KIF14: variants seen among roughly 807,000 people sequenced by gnomAD.
The protein encoded by KIF14 is kinesin family member 14, also known as kinesin-like protein KIF14.
KIF14 carries 98 observed loss-of-function variants against 176.2 expected under a neutral mutation model. That is an observed-to-expected ratio of 0.56 (90% CI 0.47 to 0.66). KIF14 has a LOEUF of 0.66. Ranked by LOEUF, KIF14 falls within the 30% of genes least tolerant of loss-of-function variation. The probability of loss-of-function intolerance (pLI) is 0.00; values close to 1 mark genes in which losing one functional copy is unlikely to be tolerated. For missense variants in KIF14, 1,751 were observed against 1,920.4 expected, an observed-to-expected ratio of 0.91 and a Z score of 1.65; for synonymous variants, 566 against 632.2, an observed-to-expected ratio of 0.90 and a Z score of 1.57.
In KIF14 at chr1:200,553,528, C is replaced by T. The variant is rs1231501706; in HGVS notation, c.4807G>A (p.Glu1603Lys). The change falls in exon 30 of 30, where the codon GAA (glutamate) becomes AAA (lysine). Residue 1603 changes from glutamate to lysine, a missense_variant. Coordinates refer to ENST00000367350, the MANE Select transcript of KIF14 (RefSeq NM_014875.3). Reference sequence around the variant, plus strand: ...CTTGATTTAGATTGTTGGTGTTCTTCTTTGGTATTTTGATTATAAGTTTCC... The same window carrying T: ...CTTGATTTAGATTGTTGGTGTTCTTTTTTGGTATTTTGATTATAAGTTTCC... ...PWETYNQNTKEEHQQSKSSGI... is the reference protein window; with the variant it reads ...PWETYNQNTKKEHQQSKSSGI... 1 of 1,613,974 alleles carries T rather than the reference C, an allele frequency of 6.2e-7. No individual in the cohort carries two copies. The highest frequency in any genetic ancestry group is 8.5e-7 in the Non-Finnish European group (1 of 1,180,010).
Position 200,593,653 on chromosome 1 carries a change from A to AT in KIF14, c.2652+13_2652+14insA. 7.0e-7 allele frequency: 1 copy of AT among 1,433,624 alleles called. No homozygotes were observed. The highest frequency in any genetic ancestry group is 9.8e-7 in the Non-Finnish European group (1 of 1,016,176). 88.8% of individuals were successfully genotyped at this position (1,433,624 alleles called of 1,614,324 possible). A position where few individuals can be genotyped will look rare whatever the true frequency, so the allele number is the denominator to read the frequency against. ...GTCGAACAGTTTCTTATATTATAGC[A>AT]CCCATCCACTTACATGACGTAATAC... On this transcript the variant is annotated intron_variant, in intron 15 of 29. Transcript: ENST00000367350.
At chr1:200,575,522 T>TAC (rs35571944) in intron 22 of KIF14, 69 bp downstream of exon 22, 6,672 of 624,784 alleles carry the variant, frequency 0.011, 21 homozygotes, top group African/African-American at 0.022. Context: ...ATATACAATT[T>TAC]ACACACACAC....
rs750228172 is a variant in KIF14 at position 200,618,065 on chromosome 1, G to A, written c.659C>T (p.Pro220Leu). 9.1e-5 allele frequency: 147 copies of A among 1,613,998 alleles called. No homozygotes were observed. Among genetic ancestry groups the A allele is most frequent in the Admixed American group, 4.0e-4 (24 of 60,010 alleles). The change falls in exon 2 of 30, where the codon CCC (proline) becomes CTC (leucine). Residue 220 changes from proline (P) to leucine (L), a missense_variant. Transcript: ENST00000367350. Reference sequence around the variant, plus strand: ...TTCAGTCTGACTCAGGGAAGCAATGGGTGGTCTATTACTTGAGTACTTAAG... The same window carrying A: ...TTCAGTCTGACTCAGGGAAGCAATGAGTGGTCTATTACTTGAGTACTTAAG... The part of the protein sequence containing the change: ...VALKYSSNRP[P>L]IASLSQTEVV...
At chr1:200,559,300 C>G in intron 27 of KIF14, 30 bp downstream of exon 27, 2 of 1,413,030 alleles carry the variant, frequency 1.4e-6, no homozygotes, top group Non-Finnish European at 1.9e-6. Context: ...TTATTTAGTA[C>G]TGTACAGAAT....
At chr1:200,590,091 G>A (rs780136177) in intron 17 of KIF14, 34 bp downstream of exon 17, 19 of 1,579,130 alleles carry the variant, frequency 1.2e-5, no homozygotes, top group Admixed American at 1.8e-5. Flanking sequence ...GTACACTGTC[G>A]GAAAAAAAAA....
chr1:200,580,955 C>A (rs1414197245), intron 20 of KIF14, among the ~76,000 whole-genome samples: 5 of 151,688 alleles, frequency 3.3e-5, no homozygotes, highest in Non-Finnish European at 7.4e-5. Context: ...ACTAAAAATA[C>A]AGAAATTAGC....
intron 1 of KIF14, among the ~76,000 whole-genome samples, chr1:200,619,209 A>ATG (rs1660564074): frequency 6.6e-6 from 1 of 152,216 alleles, no homozygotes; most frequent in Non-Finnish European, 1.5e-5. Context: ...ATTTTCAAGT[A>ATG]CTTCCAGTGT....
chr1:200,559,326 T>C lies in KIF14; in HGVS notation c.4353+4A>G. The C allele has an allele frequency of 6.5e-7, 1 of 1,548,408 alleles. No individual in the cohort carries two copies. Among genetic ancestry groups the C allele is most frequent in the East Asian group, 2.4e-5 (1 of 42,300 alleles). ...TGTACAGAATATTCTTTTATTCATCTTACCTCATTTTTTGTACACTGCCTA... is the reference window on the plus strand; with the variant it reads ...TGTACAGAATATTCTTTTATTCATCCTACCTCATTTTTTGTACACTGCCTA... On this transcript the variant is annotated splice_donor_region_variant and intron_variant, in intron 27 of 29. Transcript: ENST00000367350.
chr1:200,561,970 C>T (rs1431056435), intron 25 of KIF14, among the ~76,000 whole-genome samples: 1 of 152,134 alleles, frequency 6.6e-6, no homozygotes, highest in African/African-American at 2.4e-5. Context: ...CAAAAGACTT[C>T]CCACATGCAC....
At chr1:200,559,729 C>A (rs896580023) in intron 26 of KIF14, among the ~76,000 whole-genome samples, 4 of 151,634 alleles carry the variant, frequency 2.6e-5, no homozygotes, top group African/African-American at 9.7e-5. Flanking sequence ...TTAAGCAGGG[C>A]TCTATATTGC....
In KIF14 at chr1:200,552,025, C is replaced by T. The variant is rs140242658; in HGVS notation, c.*1363G>A. On this transcript the variant is annotated 3_prime_UTR_variant, in exon 30 of 30. Transcript: ENST00000367350. ...GACTGTATTTACTTACAATCTCTTCCTAACAAGGAAACTATCAGATTTATT... is the reference window on the plus strand; with the variant it reads ...GACTGTATTTACTTACAATCTCTTCTTAACAAGGAAACTATCAGATTTATT... 2.0e-5 allele frequency: 3 copies of T among 152,326 alleles called. No individual in the cohort carries two copies. The highest frequency in any genetic ancestry group is 1.9e-4 in the East Asian group (1 of 5,190). 9.4% of individuals were successfully genotyped at this position (152,326 alleles called of 1,614,324 possible). A position where few individuals can be genotyped will look rare whatever the true frequency, so the allele number is the denominator to read the frequency against.
chr1:200,601,391 C>A (rs1659617068), intron 11 of KIF14, among the ~76,000 whole-genome samples: 2 of 152,160 alleles, frequency 1.3e-5, no homozygotes, highest in Non-Finnish European at 2.9e-5. Context: ...CTGTACAAAT[C>A]AAGATTTCTT....
At chr1:200,588,250 T>TTG (rs1553257809) in intron 18 of KIF14, among the ~76,000 whole-genome samples, 69 of 145,872 alleles carry the variant, frequency 4.7e-4, no homozygotes, top group Admixed American at 1.9e-3. Context: ...TTTGTTTTGT[T>TTG]TTTTTTTTTT....
In KIF14 at chr1:200,553,330, C is replaced by T. The variant is rs569671696; in HGVS notation, c.*58G>A. The T allele has an allele frequency of 3.7e-5, 55 of 1,493,260 alleles. No individual in the cohort carries two copies. The South Asian group carries it at 6.6e-4, about 18-fold the overall frequency. The allele number at this position is 1,493,260 out of a possible 1,614,324, so 92.5% of individuals were successfully genotyped here. The stretch of plus-strand genomic sequence containing the variant: ...AAACTCTCCTGCATAAAGAAAATTA[C>T]CGAGCAAGTGTTCTTTTTCTTTCAT... On this transcript the variant is annotated 3_prime_UTR_variant, in exon 30 of 30. Coordinates refer to ENST00000367350, the MANE Select transcript of KIF14 (RefSeq NM_014875.3).
chr1:200,604,518 T>C (rs1008923170), intron 8 of KIF14, among the ~76,000 whole-genome samples: 1 of 152,178 alleles, frequency 6.6e-6, no homozygotes, highest in African/African-American at 2.4e-5. Flanking sequence ...CTCAGTTATA[T>C]TAAGGAAATA....
chr1:200,560,957 A>C (rs1338166471), intron 25 of KIF14, 77 bp from the exon 26 acceptor site: 12 of 1,331,686 alleles, frequency 9.0e-6, no homozygotes, highest in Non-Finnish European at 1.3e-5. Flanking sequence ...AGGGCCGGGC[A>C]CAGCGGCTCA....
chr1:200,570,784 T>C (rs1001588362), intron 22 of KIF14, among the ~76,000 whole-genome samples: 28 of 152,196 alleles, frequency 1.8e-4, no homozygotes, highest in Non-Finnish European at 4.4e-5. Context: ...AAGGGGTACA[T>C]GTGCAGGTTT....
At chr1:200,596,587 T>TA (rs1394495846) in intron 14 of KIF14, among the ~76,000 whole-genome samples, 2 of 134,894 alleles carry the variant, frequency 1.5e-5, no homozygotes, top group South Asian at 4.8e-4. Flanking sequence ...TTTTTTGAGT[T>TA]AGAGTCTCAC....
At chr1:200,595,922 A>T (rs1344429169) in intron 14 of KIF14, among the ~76,000 whole-genome samples, 1 of 134,444 alleles carries the variant, frequency 7.4e-6, no homozygotes, top group African/African-American at 2.9e-5. Context: ...ATAGAGTGAG[A>T]CTCCATCTCC....
Sources: gnomAD v4.1 joint callset for allele counts (sites outside exome capture counted in the v4.1 genomes callset) on GRCh38, gnomAD v4.1.1 for gene constraint, MANE v1.5 for transcripts, NCBI Gene and HGNC (gene_info 2026-07-23, HGNC 2026-07-21) for gene names.